Variants in CACNA1B observed in about 807,000 individuals in gnomAD.
CACNA1B encodes the protein voltage-dependent N-type calcium channel subunit alpha-1B.
In CACNA1B, 70 loss-of-function variants were observed where a neutral mutation model predicts 247.2. The ratio of observed to expected loss-of-function variants is 0.28; its 90% CI spans 0.23 to 0.35. The LOEUF is 0.35. CACNA1B is among the 10% of genes least tolerant of loss of function. The pLI, the probability that CACNA1B is intolerant of heterozygous loss-of-function variation, is 1.00. For synonymous variants in CACNA1B, 1,231 were observed against 1,294.4 expected, an observed-to-expected ratio of 0.95 and a Z score of 1.05; for missense variants, 2,367 against 3,197.4, an observed-to-expected ratio of 0.74 and a Z score of 6.26.
chr9:138,085,316 G>C (rs1960659567), intron 36 of CACNA1B, among the ~76,000 whole-genome samples: 1 of 150,866 alleles, frequency 6.6e-6, no homozygotes, highest in Non-Finnish European at 1.5e-5. Flanking sequence ...TTGAAGATAG[G>C]TCATTTGAAA....
intron 3 of CACNA1B, chr9:137,892,101 G>A (rs767582625): frequency 7.0e-5 from 32 of 456,924 alleles, no homozygotes; most frequent in East Asian, 1.4e-4. Context: ...CTCCCTCCCC[G>A]AGAAGTTTCC....
chr9:137,956,695 G>A, intron 8 of CACNA1B, 76 bp from the exon 9 acceptor site: 1 of 1,208,290 alleles, frequency 8.3e-7, no homozygotes, highest in Non-Finnish European at 1.2e-6. Flanking sequence ...GGGCCTTCCA[G>A]ACAGAGATGT....
Position 137,914,055 on chromosome 9 carries a change from G to C in CACNA1B, c.623-599G>C, listed in dbSNP as rs1489950431. 6.6e-6 allele frequency among the ~76,000 whole-genome samples: 1 copy of C among 152,144 alleles called. No individual in the cohort carries two copies. Among genetic ancestry groups the C allele is most frequent in the East Asian group, 1.9e-4 (1 of 5,182 alleles). ...CAGTGGCAGAACATTCCCAGGGGCA[G>C]GTCTTTTTTGCCTCACTTTCTCCCA... On this transcript the variant is annotated intron_variant, in intron 4 of 46. Coordinates refer to ENST00000371372, the MANE Select transcript of CACNA1B (RefSeq NM_000718.4). This position sits in a 1 kb window ranked among gnomAD's most constrained non-coding sequence, Gnocchi z 4.3.
rs374464484 is a variant in CACNA1B at position 137,966,831 on chromosome 9, C to T, written c.1334-4552C>T. 1.2e-4 allele frequency among the ~76,000 whole-genome samples: 18 copies of T among 152,210 alleles called. No homozygotes were observed. In the East Asian group the frequency reaches 1.5e-3, roughly 13 times the overall value. On this transcript the variant is annotated intron_variant, in intron 10 of 46. Coordinates refer to ENST00000371372, the MANE Select transcript of CACNA1B (RefSeq NM_000718.4). ...GGGATTACAGGCGTGAGCCACCGCACCCAGCCAATTTTTTAAAATTTTATT... is the reference window on the plus strand; with the variant it reads ...GGGATTACAGGCGTGAGCCACCGCATCCAGCCAATTTTTTAAAATTTTATT...
chr9:137,892,997 A>T (rs1213423628), intron 3 of CACNA1B, among the ~76,000 whole-genome samples: 1 of 152,206 alleles, frequency 6.6e-6, no homozygotes, highest in African/African-American at 2.4e-5. Context: ...GGGGGCCGCC[A>T]TGGCACTCCG....
At chr9:137,911,697 G>A (rs919781564) in intron 3 of CACNA1B, among the ~76,000 whole-genome samples, 1 of 152,228 alleles carries the variant, frequency 6.6e-6, no homozygotes. Context: ...GGGATTACAG[G>A]CGTGAACCAC....
rs770393738 is a variant in CACNA1B, at chr9:138,073,053, G to T, written c.4675-435G>T. Among the ~76,000 whole-genome samples the T allele has an allele frequency of 6.6e-6, 1 of 152,224 alleles. No individual in the cohort carries two copies. Among genetic ancestry groups the T allele is most frequent in the Non-Finnish European group, 1.5e-5 (1 of 68,040 alleles). On this transcript the variant is annotated intron_variant, in intron 32 of 46. Transcript: ENST00000371372. The surrounding 1 kb of genome is among the most constrained non-coding windows in gnomAD (Gnocchi z 6.4). ...GGGCATAGCCGTGAAGCCTGGGCGG[G>T]GGTCCCTTCCGGGGTGCTGGGTGGA...
At chr9:138,106,066 T>A (rs930946312) in intron 39 of CACNA1B, among the ~76,000 whole-genome samples, 27 of 152,180 alleles carry the variant, frequency 1.8e-4, no homozygotes, top group Non-Finnish European at 2.5e-4. Context: ...ATTGCCCAGG[T>A]AATTCAGAGC....
At chr9:138,101,762 A>G (rs949609679) in intron 37 of CACNA1B, among the ~76,000 whole-genome samples, 98 of 152,356 alleles carry the variant, frequency 6.4e-4, no homozygotes, top group African/African-American at 2.1e-3. Context: ...GAGGAGGGCA[A>G]GGCCCCAGGG....
chr9:138,023,197 G>A lies in CACNA1B; in HGVS notation c.2454G>A (p.Val818=), dbSNP rs1307046701. 1.3e-6 allele frequency: 2 copies of A among 1,519,544 alleles called. No homozygotes were observed. The highest frequency in any genetic ancestry group is 1.4e-5 in the African/African-American group (1 of 70,322). 94.1% of individuals were successfully genotyped at this position (1,519,544 alleles called of 1,614,324 possible). The change falls in exon 19 of 47, where the codon GTG becomes GTA. Residue 818 remains valine (V), a synonymous_variant. Coordinates refer to ENST00000371372, the MANE Select transcript of CACNA1B (RefSeq NM_000718.4). ...DMKTHLDRPL[V]VELGRDGARG... ...AGACGCACCTGGACCGGCCGCTGGTGGTGGAGCTGGGCCGCGACGGCGCGC... is the reference window on the plus strand; with the variant it reads ...AGACGCACCTGGACCGGCCGCTGGTAGTGGAGCTGGGCCGCGACGGCGCGC...
At chr9:138,113,958 G>A (rs1961761823) in intron 40 of CACNA1B, among the ~76,000 whole-genome samples, 1 of 147,912 alleles carries the variant, frequency 6.8e-6, no homozygotes, top group Non-Finnish European at 1.5e-5. Flanking sequence ...GCGCCGGGAG[G>A]TGCCCAACTC....
rs773522880 is a variant in CACNA1B, at chr9:138,073,569, C to T, written c.4756C>T (p.Arg1586Cys). ...IKLLRQGYTI[R>C]ILLWTFVQSF... is the part of the protein sequence containing the mutation. ...GCTGCTCCGCCAGGGCTACACCATCCGCATCCTGCTGTGGACCTTTGTCCA... is the reference window on the plus strand; with the variant it reads ...GCTGCTCCGCCAGGGCTACACCATCTGCATCCTGCTGTGGACCTTTGTCCA... The change falls in exon 33 of 47, where the codon CGC becomes TGC. Residue 1586 changes from arginine (R) to cysteine (C), a missense_variant. Coordinates refer to ENST00000371372, the MANE Select transcript of CACNA1B (RefSeq NM_000718.4). This position sits in a 1 kb window ranked among gnomAD's most constrained non-coding sequence, Gnocchi z 6.4. 2 of 1,612,172 alleles carry T rather than the reference C, an allele frequency of 1.2e-6. No individual in the cohort carries two copies. The highest frequency in any genetic ancestry group is 1.1e-5 in the South Asian group (1 of 91,056).
chr9:137,945,084 AG>A (rs1432177397), intron 6 of CACNA1B, among the ~76,000 whole-genome samples: 7 of 152,234 alleles, frequency 4.6e-5, no homozygotes, highest in Non-Finnish European at 8.8e-5. Flanking sequence ...TTTGCAAAAC[AG>A]GTCTAATTGC....
At chr9:138,019,969 C>T (rs997465288) in intron 18 of CACNA1B, among the ~76,000 whole-genome samples, 1 of 151,682 alleles carries the variant, frequency 6.6e-6, no homozygotes, top group Non-Finnish European at 1.5e-5. Flanking sequence ...TGGTGGCGGG[C>T]GCCTGTAGTC....
intron 31 of CACNA1B, among the ~76,000 whole-genome samples, chr9:138,060,511 C>T (rs1187254991): frequency 6.6e-6 from 1 of 152,196 alleles, no homozygotes; most frequent in Non-Finnish European, 1.5e-5. Flanking sequence ...CTTCTGGCAG[C>T]AGCGTAGGTC....
At position 138,122,074 on chromosome 9, in the gene CACNA1B, G is replaced by A; in HGVS notation, c.*75G>A. 7.2e-7 allele frequency: 1 copy of A among 1,394,564 alleles called. No individual in the cohort carries two copies. The highest frequency in any genetic ancestry group is 2.5e-5 in the East Asian group (1 of 40,146). 86.4% of individuals were successfully genotyped at this position (1,394,564 alleles called of 1,614,324 possible). On this transcript the variant is annotated 3_prime_UTR_variant, in exon 47 of 47. Coordinates refer to ENST00000371372, the MANE Select transcript of CACNA1B (RefSeq NM_000718.4). ...TGGATGAGTTTTATCATCCACACGG[G>A]GCAGCCGGCCCTCGGGGGAGGCCTT... is the stretch of plus-strand genomic sequence containing the variant.
chr9:137,909,949 T>G (rs1414205997), intron 3 of CACNA1B, among the ~76,000 whole-genome samples: 1 of 152,096 alleles, frequency 6.6e-6, no homozygotes, highest in African/African-American at 2.4e-5. Flanking sequence ...TTTTGTATTT[T>G]TAGTAGAGAC....
At chr9:138,093,403 C>CAAAAAAAAAA (rs58608297) in intron 36 of CACNA1B, among the ~76,000 whole-genome samples, 2 of 43,244 alleles carry the variant, frequency 4.6e-5, no homozygotes, top group Non-Finnish European at 1.0e-4. Flanking sequence ...GACTCTGTCT[C>CAAAAAAAAAA]AAAAAAAAAA....
intron 3 of CACNA1B, 193 bp downstream of exon 3, chr9:137,883,076 G>T: frequency 3.1e-6 from 2 of 636,698 alleles, no homozygotes; most frequent in Non-Finnish European, 5.5e-6. Flanking sequence ...TCCCAGGGGT[G>T]CCAGTGCTGT....
Sources: gnomAD v4.1 joint callset for allele counts (sites outside exome capture counted in the v4.1 genomes callset) on GRCh38, gnomAD v4.1.1 for gene constraint, Gnocchi (gnomAD v3.1) non-coding constraint, MANE v1.5 for transcripts, NCBI Gene and HGNC (gene_info 2026-07-23, HGNC 2026-07-21) for gene names.